The following DOCK4 variants were observed in gnomAD, a reference collection of about 807,000 sequenced individuals.
The protein encoded by DOCK4 is dedicator of cytokinesis protein 4.
A neutral mutation model predicts 268.1 loss-of-function variants in DOCK4; 97 were observed. The observed-to-expected ratio is 0.36, with a 90% CI of 0.31 to 0.43. DOCK4 has a LOEUF of 0.43. Among genes scored for constraint, DOCK4 ranks in the 20% least tolerant of loss-of-function variants. DOCK4 has a pLI of 1.00. For missense variants in DOCK4, 2,145 were observed against 2,455.7 expected (o/e 0.87, Z 2.67); for synonymous variants, 954 against 887.2 (o/e 1.08, Z -1.34).
chr7:111,809,331 G>A lies in DOCK4; in HGVS notation c.3077C>T (p.Thr1026Ile). 1.9e-6 allele frequency: 3 copies of A among 1,564,678 alleles called. No individual in the cohort carries two copies. Among genetic ancestry groups the A allele is most frequent in the Non-Finnish European group, 2.6e-6 (3 of 1,152,866 alleles). The change falls in exon 29 of 53, where the codon ACA (threonine) becomes ATA (isoleucine). Residue 1026 changes from threonine to isoleucine, a missense_variant. This residue lies in a region of DOCK4 where 1,598 missense variants were observed against 1,986.7 expected (regional missense o/e 0.80). Transcript: ENST00000428084. ...TAACACCTTTTTCTTCTTGGAAGGTGTGAACATCTCCAACTGCAGACACAA... is the reference window on the plus strand; with the variant it reads ...TAACACCTTTTTCTTCTTGGAAGGTATGAACATCTCCAACTGCAGACACAA... ...NQLCLQLEMF[T>I]PSKKKKVLEK...
At chr7:111,979,119 A>C (rs1798417881) in intron 7 of DOCK4, among the ~76,000 whole-genome samples, 1 of 152,236 alleles carries the variant, frequency 6.6e-6, no homozygotes, top group Admixed American at 6.5e-5. Flanking sequence ...AAAACTGCCG[A>C]ATGACCAAAT....
chr7:112,051,526 AC>A (rs1359136294), intron 1 of DOCK4, among the ~76,000 whole-genome samples: 1 of 152,060 alleles, frequency 6.6e-6, no homozygotes, highest in African/African-American at 2.4e-5. Context: ...AGGCTCAACA[AC>A]TTTTGATGCT....
At chr7:112,112,757 T>C (rs573148505) in intron 1 of DOCK4, among the ~76,000 whole-genome samples, 2 of 152,358 alleles carry the variant, frequency 1.3e-5, no homozygotes, top group East Asian at 1.9e-4. Context: ...TATTTCTTTA[T>C]AGCAAAGAAA....
At chr7:112,014,409 G>A (rs1438779790) in intron 1 of DOCK4, among the ~76,000 whole-genome samples, 1 of 152,194 alleles carries the variant, frequency 6.6e-6, no homozygotes, top group Non-Finnish European at 1.5e-5. Context: ...ACCTAGAAAT[G>A]AGGATCTCTT....
intron 1 of DOCK4, chr7:112,023,588 T>C (rs1440228218): frequency 2.3e-6 from 1 of 442,302 alleles, no homozygotes; most frequent in African/African-American, 2.0e-5. Context: ...TTAGCCTTTC[T>C]ACTATTTTTT....
intron 1 of DOCK4, among the ~76,000 whole-genome samples, chr7:112,024,097 A>G (rs1215851902): frequency 6.6e-6 from 1 of 152,202 alleles, no homozygotes. Context: ...AAGAAAGACT[A>G]TTTATATATG....
rs546828391 is a variant in DOCK4, at chr7:111,902,894, C to T, written c.1193-1093G>A. Among the ~76,000 whole-genome samples the T allele has an allele frequency of 1.1e-4, 16 of 152,172 alleles. No individual in the cohort carries two copies. In the East Asian group the frequency reaches 2.7e-3, roughly 26 times the overall value. ...CCACCATTCTCCTGCCTCAGCCTCC[C>T]GAGTAGCTGGGACTACAGGTGCGTG... On this transcript the variant is annotated intron_variant, in intron 13 of 52. Transcript: ENST00000428084.
chr7:111,909,254 C>T (rs1361829060), intron 13 of DOCK4, among the ~76,000 whole-genome samples: 1 of 152,224 alleles, frequency 6.6e-6, no homozygotes, highest in East Asian at 1.9e-4. Context: ...TTGCATTTCT[C>T]TAATGACCAG....
intron 23 of DOCK4, among the ~76,000 whole-genome samples, chr7:111,861,943 T>C (rs1215553311): frequency 6.6e-6 from 1 of 152,026 alleles, no homozygotes; most frequent in Non-Finnish European, 1.5e-5. Flanking sequence ...GAAATTTCTA[T>C]GAAGGAAATG....
At chr7:111,854,642 A>G (rs1804853488) in intron 23 of DOCK4, among the ~76,000 whole-genome samples, 1 of 152,172 alleles carries the variant, frequency 6.6e-6, no homozygotes, top group Non-Finnish European at 1.5e-5. Context: ...TTGGCCTCCC[A>G]AAGTGCTGGG....
intron 35 of DOCK4, among the ~76,000 whole-genome samples, chr7:111,779,591 C>G (rs1220419599): frequency 6.6e-6 from 1 of 152,084 alleles, no homozygotes; most frequent in East Asian, 1.9e-4. Context: ...TGGGGTTTTG[C>G]CATGATGCCC....
At chr7:111,907,790 A>T (rs1298360038) in intron 13 of DOCK4, among the ~76,000 whole-genome samples, 1 of 152,140 alleles carries the variant, frequency 6.6e-6, no homozygotes, top group Non-Finnish European at 1.5e-5. Flanking sequence ...GTGTAATGGC[A>T]TGATCTCCAC....
chr7:111,842,516 C>A (rs1312270307), intron 25 of DOCK4, among the ~76,000 whole-genome samples: 1 of 152,208 alleles, frequency 6.6e-6, no homozygotes, highest in East Asian at 1.9e-4. Context: ...TAGACTTCCA[C>A]CCTCATGAGG....
intron 1 of DOCK4, among the ~76,000 whole-genome samples, chr7:112,030,960 C>G (rs907607085): frequency 2.0e-5 from 3 of 152,232 alleles, no homozygotes; most frequent in Non-Finnish European, 4.4e-5. Context: ...GCAGAAGTCA[C>G]TGGTCCATGT....
At chr7:112,063,546 C>A (rs760094644) in intron 1 of DOCK4, among the ~76,000 whole-genome samples, 5 of 152,122 alleles carry the variant, frequency 3.3e-5, no homozygotes, top group Non-Finnish European at 7.4e-5. Context: ...AGTATTGTAC[C>A]ACATATCACT....
intron 13 of DOCK4, among the ~76,000 whole-genome samples, chr7:111,910,926 C>G (rs1460251347): frequency 6.6e-6 from 1 of 152,220 alleles, no homozygotes. Flanking sequence ...ACCAGGAGAC[C>G]TGTCTGTACA....
intron 1 of DOCK4, among the ~76,000 whole-genome samples, chr7:112,179,671 T>G (rs1483935658): frequency 2.0e-5 from 3 of 152,006 alleles, no homozygotes; most frequent in African/African-American, 7.3e-5. Context: ...TTCTGACACA[T>G]AAGGTCACCT....
intron 1 of DOCK4, among the ~76,000 whole-genome samples, chr7:112,052,737 T>C (rs1308129859): frequency 1.3e-5 from 2 of 152,012 alleles, no homozygotes; most frequent in African/African-American, 4.8e-5. Context: ...GTACATCCAC[T>C]CCCTCCCACC....
chr7:111,805,945 T>A (rs762189605), intron 30 of DOCK4, among the ~76,000 whole-genome samples: 1 of 152,176 alleles, frequency 6.6e-6, no homozygotes. Flanking sequence ...GCTTACTAGC[T>A]TTACTAAAAC....
Sources: gnomAD v4.1 joint callset for allele counts (sites outside exome capture counted in the v4.1 genomes callset) on GRCh38, gnomAD v4.1.1 for gene constraint, gnomAD v4.1.1 regional missense constraint, MANE v1.5 for transcripts, NCBI Gene and HGNC (gene_info 2026-07-23, HGNC 2026-07-21) for gene names.